ZBED4: variants seen among roughly 807,000 people sequenced by gnomAD.
ZBED4 encodes the protein zinc finger BED-type containing 4, also known as zinc finger BED domain-containing protein 4.
ZBED4 carries 4 observed loss-of-function variants against 15.5 expected under a neutral mutation model. The ratio of observed to expected loss-of-function variants is 0.26; its 90% CI spans 0.13 to 0.59. The LOEUF (loss-of-function observed/expected upper bound fraction) is 0.59, where lower values mean the gene tolerates loss of function less well. Ranked by LOEUF, ZBED4 falls within the 20% of genes least tolerant of loss-of-function variation. The pLI, the probability that ZBED4 is intolerant of heterozygous loss-of-function variation, is 0.90. For synonymous variants in ZBED4, 692 were observed against 608.5 expected, an observed-to-expected ratio of 1.14 and a Z score of -2.02; for missense variants, 1,323 against 1,461.8, an observed-to-expected ratio of 0.91 and a Z score of 1.55.
At chr22:49,875,335 G>C (rs1335989997) in intron 1 of ZBED4, among the ~76,000 whole-genome samples, 1 of 151,792 alleles carries the variant, frequency 6.6e-6, no homozygotes, top group Non-Finnish European at 1.5e-5. Flanking sequence ...TAAATAAAAG[G>C]CTAATCAGCT....
At chr22:49,864,853 C>T (rs1044846714) in intron 1 of ZBED4, among the ~76,000 whole-genome samples, 10 of 128,912 alleles carry the variant, frequency 7.8e-5, no homozygotes, top group Non-Finnish European at 1.4e-4. Context: ...CTGATTAAAC[C>T]GTCGTAGAGC....
At chr22:49,864,995 C>G (rs745904990) in intron 1 of ZBED4, among the ~76,000 whole-genome samples, 1 of 126,758 alleles carries the variant, frequency 7.9e-6, no homozygotes, top group Admixed American at 1.0e-4. Flanking sequence ...TGCTGTGTTT[C>G]TCCCCTGCAA....
In ZBED4 at chr22:49,857,921, G is replaced by C. The variant is rs113932126; in HGVS notation, c.-330+3932G>C. ...ACAATAGGCGTGCGCCACCGTGCCC[G>C]GTTAATTTTTTTTTGCATTTTTAGT... On this transcript the variant is annotated intron_variant, in intron 1 of 1. Coordinates refer to ENST00000216268, the MANE Select transcript of ZBED4 (RefSeq NM_014838.3). 3.2e-3 allele frequency among the ~76,000 whole-genome samples: 489 copies of C among 152,210 alleles called. 2 individuals are homozygous for C. The highest frequency in any genetic ancestry group is 0.011 in the African/African-American group (460 of 41,528).
intron 1 of ZBED4, among the ~76,000 whole-genome samples, chr22:49,882,363 G>A (rs562778411): frequency 8.6e-4 from 131 of 152,354 alleles, no homozygotes; most frequent in Non-Finnish European, 1.7e-3. Flanking sequence ...GCTTCACTGA[G>A]CTGTGGTCAC....
Position 49,886,835 on chromosome 22 carries a change from C to CT in ZBED4, c.3174dup (p.Ala1059CysfsTer24). On this transcript the variant is annotated frameshift_variant, in exon 2 of 2. Coordinates refer to ENST00000216268, the MANE Select transcript of ZBED4 (RefSeq NM_014838.3). LOFTEE classifies it low-confidence loss of function (END_TRUNC). The surrounding 1 kb of genome is among the most constrained non-coding windows in gnomAD (Gnocchi z 7.7). ...GATGCTGGCTCCCCGTCGAAAGACT[C>CT]TGCCGCAGAGGAGAACCTGTGGTCA... The CT allele has an allele frequency of 6.2e-7, 1 of 1,614,002 alleles. No homozygotes were observed. Among genetic ancestry groups the CT allele is most frequent in the Non-Finnish European group, 8.5e-7 (1 of 1,180,012 alleles).
rs572954852 is a variant in ZBED4, at chr22:49,883,733, T to C, written c.71T>C (p.Ile24Thr). The C allele has an allele frequency of 6.2e-7, 1 of 1,611,116 alleles. No homozygotes were observed. The highest frequency in any genetic ancestry group is 1.1e-5 in the South Asian group (1 of 90,998). Residue 24 changes from isoleucine (I) to threonine (T), a missense_variant, in exon 2 of 2, where the codon ATA becomes ACA. Ile to Thr is a moderately conservative substitution (Grantham distance 89, BLOSUM62 -1). Transcript: ENST00000216268. Reference sequence around the variant, plus strand: ...GTTTCTGATAAAATAAAGTTTAAAATAGAAGAGGAAGATGATGATGGAATT... The same window carrying C: ...GTTTCTGATAAAATAAAGTTTAAAACAGAAGAGGAAGATGATGATGGAATT... ...DFVSDKIKFK[I>T]EEEDDDGIPP...
intron 1 of ZBED4, among the ~76,000 whole-genome samples, chr22:49,867,145 GGTTT>G (rs2060325649): frequency 6.6e-6 from 1 of 152,032 alleles, no homozygotes; most frequent in Non-Finnish European, 1.5e-5. Flanking sequence ...TTTACCTCAC[GGTTT>G]GTTTTTCACC....
At position 49,884,196 on chromosome 22, in the gene ZBED4, C is replaced by T. The variant is rs144068518; in HGVS notation, c.534C>T (p.Ala178=). ...TTCAGGAAAATGGCAGTGTGTCTGCCGTGTCCTCGTTCCCCTCTCCCTCAC... is the reference window on the plus strand; with the variant it reads ...TTCAGGAAAATGGCAGTGTGTCTGCTGTGTCCTCGTTCCCCTCTCCCTCAC... ...VLIQENGSVS[A]VSSFPSPSLL... Residue 178 remains alanine (A), a synonymous_variant, in exon 2 of 2, where the codon GCC becomes GCT. Transcript: ENST00000216268. 116 of 1,607,562 alleles carry T rather than the reference C, an allele frequency of 7.2e-5. No individual in the cohort carries two copies. The highest frequency in any genetic ancestry group is 1.0e-4 in the Admixed American group (6 of 59,394).
In ZBED4 at chr22:49,884,180, ATGGCAGTGTGTC is replaced by A. The variant is rs1339112498; in HGVS notation, c.521_532del (p.Gly174_Ser177del). On this transcript the variant is annotated inframe_deletion, in exon 2 of 2. Transcript: ENST00000216268. ...CACCCGACCGTGCTCATTCAGGAAA[ATGGCAGTGTGTC>A]TGCCGTGTCCTCGTTCCCCTCTCCC... The A allele has an allele frequency of 2.5e-6, 4 of 1,611,654 alleles. No individual in the cohort carries two copies. Among genetic ancestry groups the A allele is most frequent in the Non-Finnish European group, 3.4e-6 (4 of 1,178,682 alleles).
intron 1 of ZBED4, among the ~76,000 whole-genome samples, chr22:49,881,712 T>C (rs1239332124): frequency 6.6e-6 from 1 of 152,194 alleles, no homozygotes; most frequent in African/African-American, 2.4e-5. Context: ...TTTTTTGTTT[T>C]GTAGAGAACA....
chr22:49,884,522 G>C lies in ZBED4; in HGVS notation c.860G>C (p.Arg287Thr). 1 of 1,614,160 alleles carries C rather than the reference G, an allele frequency of 6.2e-7. No individual in the cohort carries two copies. Among genetic ancestry groups the C allele is most frequent in the East Asian group, 2.2e-5 (1 of 44,884 alleles). The change falls in exon 2 of 2, where the codon AGG becomes ACG. Residue 287 changes from arginine (R) to threonine (T), a missense_variant. By Grantham distance (71) the Arg-to-Thr change is moderately conservative (BLOSUM62 -1). Around this residue, in one of 6 missense-constraint regions of ZBED4, gnomAD observed 380 missense variants for 413.7 expected, o/e 0.92. Coordinates refer to ENST00000216268, the MANE Select transcript of ZBED4 (RefSeq NM_014838.3). ...LPKSTSGSRR[R>T]SAVWKHFYLS... ...AAGAGCACCTCTGGGTCCAGGAGAAGGTCCGCTGTCTGGAAGCACTTCTAC... is the reference window on the plus strand; with the variant it reads ...AAGAGCACCTCTGGGTCCAGGAGAACGTCCGCTGTCTGGAAGCACTTCTAC...
intron 1 of ZBED4, among the ~76,000 whole-genome samples, chr22:49,859,288 T>G (rs981072653): frequency 6.6e-6 from 1 of 152,188 alleles, no homozygotes. Flanking sequence ...TGGGGGCAAA[T>G]TTTTACTTTT....
intron 1 of ZBED4, among the ~76,000 whole-genome samples, chr22:49,855,694 G>A (rs2060272362): frequency 6.6e-6 from 1 of 152,144 alleles, no homozygotes; most frequent in Non-Finnish European, 1.5e-5. Context: ...ACTTTGTTTT[G>A]CGTTTTTTTC....
Position 49,886,444 on chromosome 22 carries a change from G to A in ZBED4, c.2782G>A (p.Glu928Lys). The A allele has an allele frequency of 1.3e-6, 2 of 1,578,860 alleles. No individual in the cohort carries two copies. Among genetic ancestry groups the A allele is most frequent in the Non-Finnish European group, 1.7e-6 (2 of 1,158,712 alleles). Residue 928 changes from glutamate (E) to lysine (K), a missense_variant, in exon 2 of 2, where the codon GAG becomes AAG. Physicochemically the swap from Glu to Lys is moderately conservative, Grantham distance 56. Around this residue, in one of 6 missense-constraint regions of ZBED4, gnomAD observed 312 missense variants for 410.7 expected, o/e 0.76. Transcript: ENST00000216268. This position sits in a 1 kb window ranked among gnomAD's most constrained non-coding sequence, Gnocchi z 7.7. ...FRELISCDQW[E>K]VMQSVCRALK... ...AGAGCTGATCAGCTGCGACCAGTGG[G>A]AGGTCATGCAGTCCGTGTGCCGTGC...
At chr22:49,877,250 A>C (rs1174436068) in intron 1 of ZBED4, among the ~76,000 whole-genome samples, 1 of 145,680 alleles carries the variant, frequency 6.9e-6, no homozygotes, top group African/African-American at 2.6e-5. Flanking sequence ...TCTCAAAAAA[A>C]CAGCTTTATT....
intron 1 of ZBED4, among the ~76,000 whole-genome samples, chr22:49,863,773 T>A (rs1172341956): frequency 6.6e-6 from 1 of 152,280 alleles, no homozygotes; most frequent in Non-Finnish European, 1.5e-5. Context: ...ATTCTTTTTT[T>A]AAATTCATCA....
intron 1 of ZBED4, among the ~76,000 whole-genome samples, chr22:49,879,074 G>A (rs1156507090): frequency 6.6e-6 from 1 of 151,104 alleles, no homozygotes; most frequent in Non-Finnish European, 1.5e-5. Context: ...GAACTGGGGA[G>A]GTGGAGGTTG....
Position 49,884,824 on chromosome 22 carries a change from T to A in ZBED4, c.1162T>A (p.Ser388Thr), listed in dbSNP as rs1250638742. ...GGTCAGAGAGTCCCCTTCGGCCTCC[T>A]CCTCCCCTGACAGGCTGACTGAGGA... ...KPVRESPSAS[S>T]SPDRLTEDLQ... Residue 388 changes from serine to threonine, a missense_variant, in exon 2 of 2, where the codon TCC becomes ACC. Coordinates refer to ENST00000216268, the MANE Select transcript of ZBED4 (RefSeq NM_014838.3). The A allele has an allele frequency of 6.2e-7, 1 of 1,610,710 alleles. No homozygotes were observed. Among genetic ancestry groups the A allele is most frequent in the Admixed American group, 1.7e-5 (1 of 59,902 alleles).
rs1266166794 is a variant in ZBED4, at chr22:49,886,048, G to C, written c.2386G>C (p.Val796Leu). The change falls in exon 2 of 2, where the codon GTG (valine) becomes CTG (leucine). Residue 796 changes from valine (V) to leucine (L), a missense_variant. Val to Leu is a conservative substitution (Grantham distance 32). This residue lies in a region of ZBED4 where 100 missense variants were observed against 79.3 expected (regional missense o/e 1.26). Transcript: ENST00000216268. The surrounding 1 kb of genome is among the most constrained non-coding windows in gnomAD (Gnocchi z 7.7). ...GCTGGAGTGCTGGTGGGAAGCGTGGGTGACCTCCACCGGCCTTCAGGTGGG... is the reference window on the plus strand; with the variant it reads ...GCTGGAGTGCTGGTGGGAAGCGTGGCTGACCTCCACCGGCCTTCAGGTGGG... ...KQLECWWEAW[V>L]TSTGLQVGIT... is the part of the protein sequence containing the mutation. 1 of 681,908 alleles carries C rather than the reference G, an allele frequency of 1.5e-6. No homozygotes were observed. The highest frequency in any genetic ancestry group is 2.7e-6 in the Non-Finnish European group (1 of 371,164). The allele number at this position is 681,908 out of a possible 1,614,324, so 42.2% of individuals were successfully genotyped here. A position where few individuals can be genotyped will look rare whatever the true frequency, so the allele number is the denominator to read the frequency against.
Sources: allele counts gnomAD v4.1 joint callset (sites outside exome capture counted in the v4.1 genomes callset), GRCh38; gene constraint gnomAD v4.1.1; regional missense constraint gnomAD v4.1.1; non-coding constraint Gnocchi (gnomAD v3.1); transcripts MANE v1.5; gene names NCBI Gene and HGNC (gene_info 2026-07-23, HGNC 2026-07-21).